Variants in NPAS3 observed in about 807,000 individuals in gnomAD.
NPAS3 encodes the protein neuronal PAS domain protein 3.
NPAS3 carries 14 observed loss-of-function variants against 73.1 expected under a neutral mutation model. That is an observed-to-expected ratio of 0.19 (90% CI 0.13 to 0.30). The LOEUF is 0.30. Ranked by LOEUF, NPAS3 falls within the 10% of genes least tolerant of loss-of-function variation. NPAS3 has a pLI of 1.00. For missense variants in NPAS3, 1,096 were observed against 1,250.0 expected (o/e 0.88, Z 1.86); for synonymous variants, 620 against 541.5 (o/e 1.14, Z -2.01).
At chr14:33,601,401 C>T (rs1567044004) in intron 5 of NPAS3, among the ~76,000 whole-genome samples, 1 of 152,166 alleles carries the variant, frequency 6.6e-6, no homozygotes, top group Non-Finnish European at 1.5e-5. Flanking sequence ...TTTCATGGCT[C>T]AAAATTTAGC....
intron 4 of NPAS3, among the ~76,000 whole-genome samples, chr14:33,388,611 G>A (rs372650460): frequency 3.9e-5 from 6 of 152,108 alleles, no homozygotes; most frequent in East Asian, 1.9e-4. Context: ...CTTGAGGCTC[G>A]AGCTGGGCGT....
intron 2 of NPAS3, among the ~76,000 whole-genome samples, chr14:33,186,404 A>C (rs7145270): frequency 5.0e-4 from 76 of 152,142 alleles, no homozygotes; most frequent in African/African-American, 1.8e-3. Flanking sequence ...TTTTAAAGTG[A>C]ATCTTTTTGC....
intron 4 of NPAS3, among the ~76,000 whole-genome samples, chr14:33,501,658 G>C (rs2052524493): frequency 2.0e-5 from 3 of 150,602 alleles, no homozygotes. Flanking sequence ...TTCAAAAACG[G>C]CTCCTGTGTC....
chr14:33,506,481 T>A (rs1270277538), intron 4 of NPAS3, among the ~76,000 whole-genome samples: 1 of 152,100 alleles, frequency 6.6e-6, no homozygotes, highest in African/African-American at 2.4e-5. Flanking sequence ...GTTGTTTTCA[T>A]TTTTTGTTTG....
At position 33,372,577 on chromosome 14, in the gene NPAS3, C is replaced by T. The variant is rs552283654; in HGVS notation, c.468+5309C>T. Among the ~76,000 whole-genome samples the T allele has an allele frequency of 1.8e-4, 28 of 152,286 alleles. 1 individual carries two copies. Among genetic ancestry groups the T allele is most frequent in the African/African-American group, 6.3e-4 (26 of 41,566 alleles). On this transcript the variant is annotated intron_variant, in intron 4 of 11. Transcript: ENST00000356141. ...GCCGCCATTCACAAAGCAGTCTCAC[C>T]ACTGACTGTGACCAATATTATAGTC...
intron 1 of NPAS3, among the ~76,000 whole-genome samples, chr14:32,955,803 C>T (rs1235331461): frequency 6.6e-6 from 1 of 152,064 alleles, no homozygotes; most frequent in East Asian, 1.9e-4. Flanking sequence ...TACAAGCACG[C>T]ATAACATACC....
intron 4 of NPAS3, among the ~76,000 whole-genome samples, chr14:33,462,510 G>A (rs963568311): frequency 1.3e-5 from 2 of 152,130 alleles, no homozygotes; most frequent in African/African-American, 2.4e-5. Context: ...CATAGACGGC[G>A]ACTGTTCTGT....
intron 5 of NPAS3, among the ~76,000 whole-genome samples, chr14:33,624,861 A>T (rs934219385): frequency 1.3e-5 from 2 of 152,196 alleles, no homozygotes; most frequent in African/African-American, 4.8e-5. Flanking sequence ...CCTTGAAACT[A>T]CTTCCTGCCT....
At chr14:33,606,543 A>T (rs527605899) in intron 5 of NPAS3, among the ~76,000 whole-genome samples, 2 of 149,020 alleles carry the variant, frequency 1.3e-5, no homozygotes, top group African/African-American at 5.0e-5. Flanking sequence ...ATTCATTCAT[A>T]TGCAGAAAAA....
intron 4 of NPAS3, among the ~76,000 whole-genome samples, chr14:33,497,746 T>C (rs898706080): frequency 6.6e-6 from 1 of 152,136 alleles, no homozygotes; most frequent in African/African-American, 2.4e-5. Context: ...ATAAAAACCC[T>C]AGAAGAAAAC....
At chr14:33,470,026 C>A (rs932558335) in intron 4 of NPAS3, among the ~76,000 whole-genome samples, 59 of 152,238 alleles carry the variant, frequency 3.9e-4, no homozygotes, top group Non-Finnish European at 3.5e-4. Flanking sequence ...ATTGACCCTG[C>A]CTATCAGCTG....
At chr14:33,460,768 GA>G (rs1484550189) in intron 4 of NPAS3, among the ~76,000 whole-genome samples, 1 of 151,640 alleles carries the variant, frequency 6.6e-6, no homozygotes, top group Non-Finnish European at 1.5e-5. Flanking sequence ...GATACTTAAA[GA>G]ATATTTAAAA....
chr14:33,486,537 ACTC>A (rs1403336737), intron 4 of NPAS3, among the ~76,000 whole-genome samples: 1 of 151,940 alleles, frequency 6.6e-6, no homozygotes, highest in African/African-American at 2.4e-5. Context: ...GATGCACTAA[ACTC>A]CTGTTAGCTA....
At chr14:32,977,408 GTAAA>G (rs1042011041) in intron 1 of NPAS3, among the ~76,000 whole-genome samples, 6 of 141,360 alleles carry the variant, frequency 4.2e-5, no homozygotes, top group Middle Eastern at 3.4e-3. Context: ...TAATGGAATT[GTAAA>G]TAAAGGAGAA....
intron 7 of NPAS3, among the ~76,000 whole-genome samples, chr14:33,746,655 ACT>A (rs2061808983): frequency 6.6e-6 from 1 of 151,952 alleles, no homozygotes; most frequent in Admixed American, 6.6e-5. Flanking sequence ...ATGTATTATC[ACT>A]CTCATTCTGC....
At chr14:33,125,412 A>G (rs1033503233) in intron 2 of NPAS3, among the ~76,000 whole-genome samples, 5 of 151,906 alleles carry the variant, frequency 3.3e-5, no homozygotes, top group African/African-American at 1.2e-4. Context: ...AATTACTCAG[A>G]TAAAATTATG....
intron 2 of NPAS3, among the ~76,000 whole-genome samples, chr14:33,173,096 T>C (rs2045458484): frequency 6.6e-6 from 1 of 152,220 alleles, no homozygotes; most frequent in East Asian, 1.9e-4. Flanking sequence ...CTGCCTTATA[T>C]GTTGCTGTAA....
In NPAS3 at chr14:33,800,737, C is replaced by T. The variant is rs1380858767; in HGVS notation, c.2430C>T (p.Thr810=). Residue 810 remains threonine (T), a synonymous_variant, in exon 12 of 12, where the codon ACC becomes ACT. Transcript: ENST00000356141. This position sits in a 1 kb window ranked among gnomAD's most constrained non-coding sequence, Gnocchi z 6.5. ...TGCTCCCGCTGGTGCACAGGGTGACCGGGACCCTGGCCGCCACCAGCACGG... is the reference window on the plus strand; with the variant it reads ...TGCTCCCGCTGGTGCACAGGGTGACTGGGACCCTGGCCGCCACCAGCACGG... 4.5e-6 allele frequency: 7 copies of T among 1,557,118 alleles called. No individual in the cohort carries two copies. Among genetic ancestry groups the T allele is most frequent in the African/African-American group, 2.7e-5 (2 of 73,826 alleles).
intron 1 of NPAS3, among the ~76,000 whole-genome samples, chr14:32,943,945 C>T (rs1298927055): frequency 6.6e-6 from 1 of 152,152 alleles, no homozygotes; most frequent in Non-Finnish European, 1.5e-5. Flanking sequence ...CTGCCTCAGC[C>T]TCCCAAAGTG....
Sources: allele counts gnomAD v4.1 joint callset (sites outside exome capture counted in the v4.1 genomes callset), GRCh38; gene constraint gnomAD v4.1.1; non-coding constraint Gnocchi (gnomAD v3.1); transcripts MANE v1.5; gene names NCBI Gene and HGNC (gene_info 2026-07-23, HGNC 2026-07-21).